The following KCNIP4 variants were observed in gnomAD, a reference collection of about 807,000 sequenced individuals.
KCNIP4 encodes the protein potassium voltage-gated channel interacting protein 4, also known as Kv channel-interacting protein 4.
In KCNIP4, 12 loss-of-function variants were observed where a neutral mutation model predicts 34.0. The observed-to-expected ratio is 0.35, with a 90% CI of 0.23 to 0.57. The LOEUF (loss-of-function observed/expected upper bound fraction) is 0.57. KCNIP4 is among the 20% of genes least tolerant of loss of function. The pLI, the probability that KCNIP4 is intolerant of heterozygous loss-of-function variation, is 0.83. For missense variants in KCNIP4, 238 were observed against 311.7 expected, an observed-to-expected ratio of 0.76 and a Z score of 1.78; for synonymous variants, 124 against 102.2, an observed-to-expected ratio of 1.21 and a Z score of -1.29.
chr4:21,849,121 T>TTTGCAA (rs1459971300), intron 1 of KCNIP4: 1 of 152,152 alleles, frequency 6.6e-6, no homozygotes, highest in African/African-American at 2.4e-5. Flanking sequence ...TCTCAGTTCA[T>TTTGCAA]TTGCAATGAA....
At chr4:21,121,203 A>G (rs1577728034) in intron 1 of KCNIP4, among the ~76,000 whole-genome samples, 1 of 152,312 alleles carries the variant, frequency 6.6e-6, no homozygotes, top group East Asian at 1.9e-4. Flanking sequence ...CTCCTACATG[A>G]AATCAGCCGG....
chr4:20,993,803 G>A (rs1737299844), intron 1 of KCNIP4, among the ~76,000 whole-genome samples: 1 of 152,190 alleles, frequency 6.6e-6, no homozygotes, highest in African/African-American at 2.4e-5. Flanking sequence ...TACGGTTCTG[G>A]AAGTCAGAAG....
intron 1 of KCNIP4, among the ~76,000 whole-genome samples, chr4:21,073,963 A>G (rs1157851622): frequency 6.6e-6 from 1 of 152,200 alleles, no homozygotes; most frequent in African/African-American, 2.4e-5. Context: ...ATGTTGAACC[A>G]GCCTTGCATC....
At chr4:21,442,487 T>A (rs184027142) in intron 1 of KCNIP4, among the ~76,000 whole-genome samples, 22 of 152,336 alleles carry the variant, frequency 1.4e-4, no homozygotes, top group African/African-American at 5.1e-4. Context: ...GTTAGCTAGG[T>A]TGATAATGAT....
At chr4:21,447,417 T>C (rs1442540769) in intron 1 of KCNIP4, among the ~76,000 whole-genome samples, 1 of 152,148 alleles carries the variant, frequency 6.6e-6, no homozygotes, top group Non-Finnish European at 1.5e-5. Context: ...GACTCCAGAA[T>C]TGTGAGAGAA....
chr4:21,321,562 A>G (rs2109301708), intron 1 of KCNIP4, among the ~76,000 whole-genome samples: 1 of 152,136 alleles, frequency 6.6e-6, no homozygotes, highest in East Asian at 1.9e-4. Context: ...AGTGGGTAGC[A>G]ATACAACATG....
chr4:20,861,970 GTTATTA>G (rs57269885), intron 2 of KCNIP4, among the ~76,000 whole-genome samples: 2,240 of 142,036 alleles, frequency 0.016, 44 homozygotes, highest in African/African-American at 0.047. Flanking sequence ...TATGGTAGGA[GTTATTA>G]TTATTATTAT....
chr4:21,259,885 CTGTGTGTGTGTGTGTG>C (rs4054880), intron 1 of KCNIP4, among the ~76,000 whole-genome samples: 2 of 146,018 alleles, frequency 1.4e-5, no homozygotes, highest in South Asian at 2.2e-4. Flanking sequence ...GCGCCCAAGA[CTGTGTGTGTGTGTGTG>C]TGTGTGTGTG....
At chr4:21,725,089 AT>A in intron 1 of KCNIP4, among the ~76,000 whole-genome samples, 1 of 152,168 alleles carries the variant, frequency 6.6e-6, no homozygotes, top group East Asian at 1.9e-4. Flanking sequence ...AATTTGGGAT[AT>A]TATTTGTTTG....
intron 1 of KCNIP4, among the ~76,000 whole-genome samples, chr4:21,359,363 A>G (rs1250389342): frequency 6.6e-6 from 1 of 152,082 alleles, no homozygotes; most frequent in Admixed American, 6.6e-5. Context: ...GGAACTTCTT[A>G]GCCTACATAA....
intron 1 of KCNIP4, among the ~76,000 whole-genome samples, chr4:21,365,919 T>C (rs1481141140): frequency 1.3e-5 from 2 of 152,234 alleles, no homozygotes; most frequent in African/African-American, 2.4e-5. Context: ...ATGCAGATTG[T>C]TCTGCTATTC....
At chr4:21,611,374 T>G (rs1287505613) in intron 1 of KCNIP4, among the ~76,000 whole-genome samples, 1 of 152,080 alleles carries the variant, frequency 6.6e-6, no homozygotes, top group African/African-American at 2.4e-5. Context: ...CATCAGATCT[T>G]ATGAGAACTC....
chr4:21,563,373 C>T (rs961790209), intron 1 of KCNIP4, among the ~76,000 whole-genome samples: 1 of 152,090 alleles, frequency 6.6e-6, no homozygotes, highest in African/African-American at 2.4e-5. Flanking sequence ...AGTCTGTTAA[C>T]TCCTTTGCTG....
chr4:21,752,893 T>G (rs969530257), intron 1 of KCNIP4, among the ~76,000 whole-genome samples: 1 of 152,220 alleles, frequency 6.6e-6, no homozygotes, highest in African/African-American at 2.4e-5. Flanking sequence ...AGCTATCACA[T>G]GCACAGTTAT....
chr4:21,493,354 C>T (rs533122228), intron 1 of KCNIP4, among the ~76,000 whole-genome samples: 25 of 152,170 alleles, frequency 1.6e-4, no homozygotes, highest in Middle Eastern at 6.8e-3. Context: ...ATGGGAAATA[C>T]ATACATCCAA....
intron 1 of KCNIP4, chr4:21,303,935 C>A: frequency 6.2e-7 from 1 of 1,608,166 alleles, no homozygotes; most frequent in Non-Finnish European, 8.5e-7. Context: ...CCGACCACAG[C>A]CACTGAGAAG....
At chr4:21,315,362 T>A (rs1207219507) in intron 1 of KCNIP4, 1 of 152,380 alleles carries the variant, frequency 6.6e-6, no homozygotes, top group Non-Finnish European at 1.5e-5. Context: ...CTCTCTTCTT[T>A]ATGATTTTTT....
intron 1 of KCNIP4, among the ~76,000 whole-genome samples, chr4:21,046,373 T>C (rs1466432712): frequency 2.0e-5 from 3 of 152,202 alleles, no homozygotes; most frequent in African/African-American, 7.2e-5. Context: ...AAATGTATTA[T>C]GCAATATACA....
At chr4:21,078,246 A>G (rs775758415) in intron 1 of KCNIP4, among the ~76,000 whole-genome samples, 2 of 152,160 alleles carry the variant, frequency 1.3e-5, no homozygotes, top group Non-Finnish European at 2.9e-5. Flanking sequence ...ATCCTTAAGT[A>G]TCTAGTTTGG....
Sources: gnomAD v4.1 joint callset for allele counts (sites outside exome capture counted in the v4.1 genomes callset) on GRCh38, gnomAD v4.1.1 for gene constraint, MANE v1.5 for transcripts, NCBI Gene and HGNC (gene_info 2026-07-23, HGNC 2026-07-21) for gene names.